Variants in GALNTL6 observed in about 807,000 individuals in gnomAD.
GALNTL6 encodes the protein polypeptide N-acetylgalactosaminyltransferase like 6, also known as polypeptide N-acetylgalactosaminyltransferase-like 6.
Under a neutral mutation model 73.7 loss-of-function variants are expected in GALNTL6, and 46 were observed. That is an observed-to-expected ratio of 0.62 (90% CI 0.49 to 0.80). GALNTL6 has a LOEUF of 0.80. Ranked by LOEUF, GALNTL6 falls within the 30% of genes least tolerant of loss-of-function variation. The pLI, the probability that GALNTL6 is intolerant of heterozygous loss-of-function variation, is 0.00. For missense variants in GALNTL6, 604 were observed against 755.0 expected (o/e 0.80, Z 2.34); for synonymous variants, 259 against 263.7 (o/e 0.98, Z 0.17).
intron 2 of GALNTL6, among the ~76,000 whole-genome samples, chr4:172,155,334 C>T (rs1467906476): frequency 6.6e-6 from 1 of 152,134 alleles, no homozygotes; most frequent in Non-Finnish European, 1.5e-5. Context: ...GGAGCTTGTT[C>T]ATTGCTTCCA....
chr4:172,880,340 TTGA>T (rs1237535816), intron 7 of GALNTL6, among the ~76,000 whole-genome samples: 8 of 152,170 alleles, frequency 5.3e-5, no homozygotes, highest in African/African-American at 1.9e-4. Flanking sequence ...TAATGAACCA[TTGA>T]TACACGCTAT....
chr4:171,925,320 T>C (rs1560843846), intron 2 of GALNTL6, among the ~76,000 whole-genome samples: 1 of 152,138 alleles, frequency 6.6e-6, no homozygotes, highest in Non-Finnish European at 1.5e-5. Context: ...GGGATTCTTT[T>C]GTAAAAACTA....
At chr4:172,616,093 G>C (rs1738718228) in intron 5 of GALNTL6, among the ~76,000 whole-genome samples, 1 of 152,108 alleles carries the variant, frequency 6.6e-6, no homozygotes, top group South Asian at 2.1e-4. Context: ...ACCATCCTCT[G>C]CCTGTAACTG....
At chr4:171,880,774 T>C (rs1295803269) in intron 2 of GALNTL6, among the ~76,000 whole-genome samples, 1 of 151,738 alleles carries the variant, frequency 6.6e-6, no homozygotes, top group Non-Finnish European at 1.5e-5. Flanking sequence ...GGAGAGAGCT[T>C]CCCCCTCTGC....
chr4:172,948,949 G>A (rs1433876581), intron 9 of GALNTL6, among the ~76,000 whole-genome samples: 1 of 152,120 alleles, frequency 6.6e-6, no homozygotes, highest in African/African-American at 2.4e-5. Flanking sequence ...GCCTATTCTG[G>A]TTAGCATTTA....
intron 5 of GALNTL6, among the ~76,000 whole-genome samples, chr4:172,609,554 T>C (rs1579239251): frequency 6.6e-6 from 1 of 151,712 alleles, no homozygotes; most frequent in African/African-American, 2.4e-5. Context: ...CAGTGTTTTA[T>C]TGAGGATTTT....
At chr4:172,292,890 A>G (rs1432263603) in intron 3 of GALNTL6, among the ~76,000 whole-genome samples, 1 of 152,242 alleles carries the variant, frequency 6.6e-6, no homozygotes, top group East Asian at 1.9e-4. Flanking sequence ...TACTCTCTGT[A>G]TGCCACATTT....
chr4:172,665,493 G>C (rs570209462), intron 5 of GALNTL6, among the ~76,000 whole-genome samples: 14 of 152,210 alleles, frequency 9.2e-5, no homozygotes, highest in Non-Finnish European at 1.8e-4. Flanking sequence ...GGAAGAGGAA[G>C]TAAAAAAGAA....
At chr4:172,224,947 T>G (rs1736802203) in intron 2 of GALNTL6, among the ~76,000 whole-genome samples, 1 of 152,128 alleles carries the variant, frequency 6.6e-6, no homozygotes, top group Non-Finnish European at 1.5e-5. Context: ...GGATTCTGTC[T>G]CGTCTGTCCC....
chr4:171,814,745 A>C (rs2110790464), intron 2 of GALNTL6, 27 bp downstream of exon 2: 1 of 1,612,156 alleles, frequency 6.2e-7, no homozygotes, highest in Non-Finnish European at 8.5e-7. Flanking sequence ...GAAAGATCAC[A>C]CAAGGATTGG....
chr4:172,330,881 G>A (rs1362293479), intron 4 of GALNTL6, among the ~76,000 whole-genome samples: 2 of 151,724 alleles, frequency 1.3e-5, no homozygotes, highest in African/African-American at 2.4e-5. Flanking sequence ...TTTCTTTTTT[G>A]TTTCATTTTG....
chr4:172,111,645 T>TG (rs1302693060), intron 2 of GALNTL6, among the ~76,000 whole-genome samples: 2 of 152,078 alleles, frequency 1.3e-5, no homozygotes, highest in Non-Finnish European at 2.9e-5. Flanking sequence ...TTTTTGAAAT[T>TG]GCATTTTTAC....
chr4:172,158,312 G>A (rs1734346903), intron 2 of GALNTL6, among the ~76,000 whole-genome samples: 1 of 151,892 alleles, frequency 6.6e-6, no homozygotes, highest in Admixed American at 6.6e-5. Flanking sequence ...AAAAATCTGG[G>A]TTTTGGAATA....
intron 2 of GALNTL6, among the ~76,000 whole-genome samples, chr4:172,165,808 T>C (rs143357567): frequency 5.9e-5 from 9 of 152,292 alleles, no homozygotes; most frequent in African/African-American, 1.9e-4. Context: ...CCAACACAGA[T>C]ATATTCCACT....
At chr4:171,964,621 C>T (rs1016546809) in intron 2 of GALNTL6, among the ~76,000 whole-genome samples, 1 of 152,164 alleles carries the variant, frequency 6.6e-6, no homozygotes, top group South Asian at 2.1e-4. Context: ...TATTGTCTAT[C>T]ATATGATTAT....
chr4:172,220,716 G>A (rs1374577196), intron 2 of GALNTL6, among the ~76,000 whole-genome samples: 1 of 151,736 alleles, frequency 6.6e-6, no homozygotes, highest in African/African-American at 2.4e-5. Flanking sequence ...CAAATACAAA[G>A]TTTGGATATT....
At position 172,555,675 on chromosome 4, in the gene GALNTL6, C is replaced by T. The variant is rs180846584; in HGVS notation, c.553+206986C>T. Among the ~76,000 whole-genome samples, 754 of 151,906 alleles carry T rather than the reference C, an allele frequency of 5.0e-3. 7 individuals are homozygous for T. Among genetic ancestry groups the T allele is most frequent in the African/African-American group, 0.017 (710 of 41,486 alleles). The stretch of plus-strand genomic sequence containing the variant: ...GAAGATTTACCCTATATTTAACATT[C>T]CCTAAATGCAAAAAAAATTCTGTGT... On this transcript the variant is annotated intron_variant, in intron 5 of 12. Coordinates refer to ENST00000506823, the MANE Select transcript of GALNTL6 (RefSeq NM_001034845.3).
chr4:172,000,659 G>A (rs1279983519), intron 2 of GALNTL6, among the ~76,000 whole-genome samples: 1 of 152,160 alleles, frequency 6.6e-6, no homozygotes, highest in African/African-American at 2.4e-5. Context: ...GCTATTGTAA[G>A]TTAGGCTATG....
chr4:172,090,531 C>A (rs1732173852), intron 2 of GALNTL6, among the ~76,000 whole-genome samples: 2 of 152,206 alleles, frequency 1.3e-5, no homozygotes, highest in Admixed American at 6.5e-5. Flanking sequence ...ATACTTTGCC[C>A]ACTTTTTGAT....
Sources: allele counts gnomAD v4.1 joint callset (sites outside exome capture counted in the v4.1 genomes callset), GRCh38; gene constraint gnomAD v4.1.1; transcripts MANE v1.5; gene names NCBI Gene and HGNC (gene_info 2026-07-23, HGNC 2026-07-21).